Variants in MOB3B observed in about 807,000 individuals in gnomAD.
MOB3B encodes MOB kinase activator-like 2B.
MOB3B carries 7 observed loss-of-function variants against 18.7 expected under a neutral mutation model. That is an observed-to-expected ratio of 0.37 (90% confidence interval 0.21 to 0.70). MOB3B has a LOEUF of 0.70. Ranked by LOEUF, MOB3B falls within the 30% of genes least tolerant of loss-of-function variation. The pLI, the probability that MOB3B is intolerant of heterozygous loss-of-function variation, is 0.52. For synonymous variants in MOB3B, 111 were observed against 99.9 expected (o/e 1.11, Z -0.66); for missense variants, 253 against 281.3 (o/e 0.90, Z 0.72).
intron 2 of MOB3B, among the ~76,000 whole-genome samples, chr9:27,362,515 C>G (rs566848404): frequency 6.6e-6 from 1 of 152,272 alleles, no homozygotes; most frequent in African/African-American, 2.4e-5. Context: ...ACTCCAGGCT[C>G]AGAATCTCTT....
At chr9:27,514,804 G>T (rs57864515) in intron 1 of MOB3B, among the ~76,000 whole-genome samples, 4 of 152,206 alleles carry the variant, frequency 2.6e-5, no homozygotes, top group African/African-American at 9.7e-5. Flanking sequence ...TGTCTGCCAA[G>T]GAACTGCATG....
intron 2 of MOB3B, among the ~76,000 whole-genome samples, chr9:27,430,684 T>A (rs367993301): frequency 6.6e-6 from 1 of 152,236 alleles, no homozygotes; most frequent in East Asian, 1.9e-4. Flanking sequence ...CAGGCGGAAT[T>A]CAAAGGAGAT....
chr9:27,367,817 T>C (rs985121662), intron 2 of MOB3B, among the ~76,000 whole-genome samples: 9 of 152,214 alleles, frequency 5.9e-5, no homozygotes, highest in Non-Finnish European at 1.2e-4. Flanking sequence ...ATGTCATATA[T>C]TGGAAGAGCA....
chr9:27,429,445 A>G (rs1441310111), intron 2 of MOB3B, among the ~76,000 whole-genome samples: 1 of 152,270 alleles, frequency 6.6e-6, no homozygotes, highest in Non-Finnish European at 1.5e-5. Flanking sequence ...GAAAGGGGAC[A>G]AAACCATCCT....
chr9:27,449,664 G>A (rs1465982539), intron 2 of MOB3B, among the ~76,000 whole-genome samples: 1 of 152,118 alleles, frequency 6.6e-6, no homozygotes, highest in Non-Finnish European at 1.5e-5. Flanking sequence ...AAAACCATGT[G>A]AGAGACATAC....
chr9:27,456,311 C>G (rs768115924), intron 1 of MOB3B, among the ~76,000 whole-genome samples: 1 of 152,042 alleles, frequency 6.6e-6, no homozygotes, highest in African/African-American at 2.4e-5. Context: ...TTGCTTGGAC[C>G]GTGTGTAGTG....
At chr9:27,374,454 A>G (rs1463784892) in intron 2 of MOB3B, among the ~76,000 whole-genome samples, 1 of 152,198 alleles carries the variant, frequency 6.6e-6, no homozygotes, top group Non-Finnish European at 1.5e-5. Context: ...CTCAACTGAA[A>G]TAAATTACTG....
chr9:27,425,385 A>AAAAAAAAAAC (rs1554648746), intron 2 of MOB3B, among the ~76,000 whole-genome samples: 7 of 145,152 alleles, frequency 4.8e-5, no homozygotes, highest in African/African-American at 7.6e-5. Flanking sequence ...AAAAAAAAAA[A>AAAAAAAAAAC]AAAACAAAAC....
intron 2 of MOB3B, among the ~76,000 whole-genome samples, chr9:27,426,565 A>G (rs527398113): frequency 5.6e-4 from 86 of 152,332 alleles, no homozygotes; most frequent in African/African-American, 2.0e-3. Flanking sequence ...AGCTCGCTCC[A>G]GAGCGTCATG....
intron 2 of MOB3B, among the ~76,000 whole-genome samples, chr9:27,414,764 G>C (rs1587194860): frequency 6.6e-6 from 1 of 152,184 alleles, no homozygotes; most frequent in Admixed American, 6.5e-5. Flanking sequence ...CCAAGCAGCT[G>C]CTTGTAGGAA....
intron 1 of MOB3B, among the ~76,000 whole-genome samples, chr9:27,516,445 A>G (rs1480421715): frequency 6.6e-6 from 1 of 152,334 alleles, no homozygotes; most frequent in Middle Eastern, 3.4e-3. Context: ...ATACTCTTCA[A>G]TGAATTAATT....
At chr9:27,393,359 T>A (rs1300368023) in intron 2 of MOB3B, among the ~76,000 whole-genome samples, 2 of 150,826 alleles carry the variant, frequency 1.3e-5, no homozygotes, top group African/African-American at 4.9e-5. Context: ...ATTATTTATA[T>A]AGGGTGCAGA....
At chr9:27,367,469 T>C (rs1245947424) in intron 2 of MOB3B, among the ~76,000 whole-genome samples, 2 of 152,250 alleles carry the variant, frequency 1.3e-5, no homozygotes, top group Non-Finnish European at 2.9e-5. Flanking sequence ...CGCCTGGCTC[T>C]GGCCTCAATC....
intron 1 of MOB3B, among the ~76,000 whole-genome samples, chr9:27,480,829 T>A (rs184003918): frequency 2.6e-5 from 4 of 152,006 alleles, no homozygotes; most frequent in Non-Finnish European, 4.4e-5. Flanking sequence ...AAGAAGGAAT[T>A]TTAAGGATGT....
chr9:27,380,860 C>T (rs1236320198), intron 2 of MOB3B, among the ~76,000 whole-genome samples: 2 of 151,964 alleles, frequency 1.3e-5, no homozygotes, highest in Non-Finnish European at 2.9e-5. Flanking sequence ...ATGGCATCAA[C>T]CATTCAAAGA....
chr9:27,378,445 G>A (rs1223609410), intron 2 of MOB3B: 1 of 471,276 alleles, frequency 2.1e-6, no homozygotes, highest in Non-Finnish European at 4.4e-6. Context: ...TTCCCTCAAT[G>A]ATGTGGCCAG....
intron 1 of MOB3B, chr9:27,524,984 C>G (rs1820410153): frequency 1.3e-6 from 2 of 1,520,916 alleles, no homozygotes; most frequent in Non-Finnish European, 1.8e-6. Context: ...AATTAAAATT[C>G]CTTTTCCCTC....
intron 2 of MOB3B, among the ~76,000 whole-genome samples, chr9:27,376,863 G>C (rs928639744): frequency 5.9e-5 from 9 of 152,226 alleles, no homozygotes; most frequent in African/African-American, 2.2e-4. Flanking sequence ...CTTGATCCAT[G>C]ACAAATTTTA....
chr9:27,363,027 A>C (rs374915159), intron 2 of MOB3B, among the ~76,000 whole-genome samples: 79 of 152,194 alleles, frequency 5.2e-4, no homozygotes, highest in African/African-American at 1.9e-3. Flanking sequence ...GCAAGATAGA[A>C]CAAGATACAG....
Sources: allele counts gnomAD v4.1 joint callset (sites outside exome capture counted in the v4.1 genomes callset), GRCh38; gene constraint gnomAD v4.1.1; transcripts MANE v1.5; gene names NCBI Gene and HGNC (gene_info 2026-07-23, HGNC 2026-07-21).